TULP3: variants seen among roughly 807,000 people sequenced by gnomAD.
TULP3 encodes the protein tubby-related protein 3.
TULP3 carries 38 observed loss-of-function variants against 50.7 expected under a neutral mutation model. The observed-to-expected ratio is 0.75, with a 90% confidence interval of 0.58 to 0.98. The LOEUF is 0.98. Among genes scored for constraint, TULP3 ranks in the 50% least tolerant of loss-of-function variants. The pLI is 0.00. For missense variants in TULP3, 550 were observed against 568.0 expected (o/e 0.97, Z 0.32); for synonymous variants, 183 against 196.6 (o/e 0.93, Z 0.58).
intron 2 of TULP3, among the ~76,000 whole-genome samples, chr12:2,911,282 T>G (rs1157209408): frequency 6.6e-6 from 1 of 152,064 alleles, no homozygotes; most frequent in Admixed American, 6.6e-5. Flanking sequence ...TGAAAACATC[T>G]CTCTCTGCTT....
intron 1 of TULP3, among the ~76,000 whole-genome samples, chr12:2,903,001 A>G (rs1193933454): frequency 6.6e-6 from 1 of 151,744 alleles, no homozygotes; most frequent in Non-Finnish European, 1.5e-5. Flanking sequence ...AGCTGGGACT[A>G]CAGGCACGGA....
At position 2,930,188 on chromosome 12, in the gene TULP3, G is replaced by C. The variant is rs1338511159; in HGVS notation, c.395-60G>C. On this transcript the variant is annotated intron_variant, in intron 4 of 10. Transcript: ENST00000448120. Reference sequence around the variant, plus strand: ...AAGCAAGAAAATTAAAACTATCTTTGTTTCAAAGACCTTTTTTAAACAGTG... The same window carrying C: ...AAGCAAGAAAATTAAAACTATCTTTCTTTCAAAGACCTTTTTTAAACAGTG... 5 of 1,169,890 alleles carry C rather than the reference G, an allele frequency of 4.3e-6. No individual in the cohort carries two copies. The East Asian group carries it at 1.3e-4, about 30-fold the overall frequency. The allele number at this position is 1,169,890 out of a possible 1,614,324, so 72.5% of individuals were successfully genotyped here. A position where few individuals can be genotyped will look rare whatever the true frequency, so the allele number is the denominator to read the frequency against.
chr12:2,911,523 A>T (rs12227291), intron 2 of TULP3, among the ~76,000 whole-genome samples: 7 of 84,634 alleles, frequency 8.3e-5, no homozygotes, highest in African/African-American at 3.2e-4. Flanking sequence ...AGGCTAATTT[A>T]TTTTTTATTT....
intron 5 of TULP3, 74 bp from the exon 6 acceptor site, chr12:2,930,963 C>T: frequency 6.6e-7 from 1 of 1,514,666 alleles, no homozygotes; most frequent in Non-Finnish European, 9.2e-7. Context: ...TTGCTTTGTC[C>T]ACTAAGTGTT....
In TULP3 at chr12:2,937,618, T is replaced by TC; in HGVS notation, c.925-11dup. On this transcript the variant is annotated splice_polypyrimidine_tract_variant and intron_variant, in intron 8 of 10. Coordinates refer to ENST00000448120, the MANE Select transcript of TULP3 (RefSeq NM_003324.5). ...CCTGTTTCCAAGTTCTGCTTTGTTT[T>TC]CCTATCTTCCAGGAAACAAACGTAC... is the stretch of plus-strand genomic sequence containing the variant. The TC allele has an allele frequency of 6.3e-7, 1 of 1,594,552 alleles. No individual in the cohort carries two copies. Among genetic ancestry groups the TC allele is most frequent in the Non-Finnish European group, 8.6e-7 (1 of 1,165,610 alleles).
At chr12:2,895,183 C>T (rs1345957360) in intron 1 of TULP3, among the ~76,000 whole-genome samples, 4 of 152,144 alleles carry the variant, frequency 2.6e-5, no homozygotes, top group African/African-American at 9.7e-5. Context: ...AATAGTTTTC[C>T]CTGCAGCATT....
intron 2 of TULP3, among the ~76,000 whole-genome samples, chr12:2,917,619 T>C (rs1341683458): frequency 6.6e-6 from 1 of 152,050 alleles, no homozygotes; most frequent in Non-Finnish European, 1.5e-5. Flanking sequence ...GGCTCATGCC[T>C]GTAATCCCAG....
intron 2 of TULP3, among the ~76,000 whole-genome samples, chr12:2,917,705 A>T (rs1217083537): frequency 6.6e-6 from 1 of 151,698 alleles, no homozygotes; most frequent in Non-Finnish European, 1.5e-5. Context: ...GTGAAACCTC[A>T]TCTTTACTAA....
Position 2,938,247 on chromosome 12 carries a change from C to A in TULP3, c.1157C>A (p.Ala386Glu), listed in dbSNP as rs371955902. 3.7e-6 allele frequency: 6 copies of A among 1,614,002 alleles called. No homozygotes were observed. The change falls in exon 10 of 11, where the codon GCG (alanine) becomes GAG (glutamate). Residue 386 changes from alanine (A) to glutamate (E), a missense_variant. Ala to Glu is a moderately radical substitution (Grantham distance 107, BLOSUM62 -1). Transcript: ENST00000448120. ...VLNFRGRVTQASVKNFQIVHK... is the reference protein window; with the variant it reads ...VLNFRGRVTQESVKNFQIVHK... ...AACTTCCGTGGCCGGGTCACTCAGG[C>A]GTCTGTGAAGAACTTCCAGATAGTC...
At chr12:2,912,552 T>C (rs1472985288) in intron 2 of TULP3, among the ~76,000 whole-genome samples, 1 of 152,140 alleles carries the variant, frequency 6.6e-6, no homozygotes, top group Non-Finnish European at 1.5e-5. Context: ...CAGTGTCCCT[T>C]TGGTTAAGTG....
chr12:2,917,678 C>T (rs1037071188), intron 2 of TULP3, among the ~76,000 whole-genome samples: 2 of 151,924 alleles, frequency 1.3e-5, no homozygotes, highest in Non-Finnish European at 2.9e-5. Flanking sequence ...GAGATCGAGA[C>T]CATCCTGGCC....
chr12:2,917,629 G>C (rs2098189369), intron 2 of TULP3, among the ~76,000 whole-genome samples: 1 of 152,020 alleles, frequency 6.6e-6, no homozygotes, highest in South Asian at 2.1e-4. Context: ...TGTAATCCCA[G>C]CACTTTAGGA....
intron 5 of TULP3, 135 bp downstream of exon 5, chr12:2,930,480 G>T: frequency 1.7e-6 from 1 of 580,284 alleles, no homozygotes. Flanking sequence ...CTGGAGTGCA[G>T]TGGCATGATC....
intron 4 of TULP3, 68 bp downstream of exon 4, chr12:2,922,470 C>T (rs746565688): frequency 1.4e-5 from 22 of 1,559,284 alleles, no homozygotes; most frequent in Non-Finnish European, 1.9e-5. Flanking sequence ...CCTTTCTTTT[C>T]ATTGTGGGTA....
chr12:2,926,358 T>G (rs894739917), intron 4 of TULP3, among the ~76,000 whole-genome samples: 1 of 152,130 alleles, frequency 6.6e-6, no homozygotes, highest in Non-Finnish European at 1.5e-5. Flanking sequence ...CTGGACATGG[T>G]GTAGTCCTAT....
intron 6 of TULP3, among the ~76,000 whole-genome samples, chr12:2,932,566 T>G: frequency 7.9e-6 from 1 of 126,298 alleles, no homozygotes; most frequent in Non-Finnish European, 1.6e-5. Flanking sequence ...GGTGACAGAG[T>G]GAGACCCTAT....
chr12:2,921,587 C>T (rs2153949609), intron 3 of TULP3, among the ~76,000 whole-genome samples: 2 of 152,236 alleles, frequency 1.3e-5, no homozygotes. Context: ...TTGAAAGGAT[C>T]ATCTGAGATG....
At chr12:2,935,489 AGATAT>A (rs2098200536) in intron 8 of TULP3, among the ~76,000 whole-genome samples, 1 of 152,312 alleles carries the variant, frequency 6.6e-6, no homozygotes, top group East Asian at 1.9e-4. Context: ...GGCACACAGT[AGATAT>A]TCAAAGAGTT....
chr12:2,910,650 T>A (rs917856570), intron 2 of TULP3, among the ~76,000 whole-genome samples: 1 of 152,226 alleles, frequency 6.6e-6, no homozygotes, highest in Non-Finnish European at 1.5e-5. Context: ...AATAGGTGAC[T>A]AAAAGTCTCT....
Sources: allele counts gnomAD v4.1 joint callset (sites outside exome capture counted in the v4.1 genomes callset), GRCh38; gene constraint gnomAD v4.1.1; transcripts MANE v1.5; gene names NCBI Gene and HGNC (gene_info 2026-07-23, HGNC 2026-07-21).